Variants in CELSR1 observed in about 807,000 individuals in gnomAD.
The protein encoded by CELSR1 is adhesion G protein-coupled receptor C1.
CELSR1 carries 110 observed loss-of-function variants against 249.1 expected under a neutral mutation model. The observed-to-expected ratio is 0.44, with a 90% CI of 0.38 to 0.52. The LOEUF is 0.52. Among genes scored for constraint, CELSR1 ranks in the 20% least tolerant of loss-of-function variants. CELSR1 has a pLI of 0.00. For synonymous variants in CELSR1, 2,113 were observed against 1,900.0 expected (o/e 1.11, Z -2.92); for missense variants, 4,109 against 4,296.4 (o/e 0.96, Z 1.22).
rs985884671 is a variant in CELSR1 at position 46,472,770 on chromosome 22, G to A, written c.3545-8425C>T. ...GGAGGCTCAGGGGAGGGTCTGTTCC[G>A]GGCCCCTTTCCCTGGGGGCTGGGGG... On this transcript the variant is annotated intron_variant, in intron 1 of 34. Transcript: ENST00000674500. This position sits in a 1 kb window ranked among gnomAD's most constrained non-coding sequence, Gnocchi z 7.0. Among the ~76,000 whole-genome samples the A allele has an allele frequency of 2.0e-5, 3 of 152,114 alleles. No individual in the cohort carries two copies. Among genetic ancestry groups the A allele is most frequent in the Non-Finnish European group, 4.4e-5 (3 of 68,022 alleles).
chr22:46,529,265 CAA>C (rs879359202), intron 1 of CELSR1, among the ~76,000 whole-genome samples: 1 of 132,488 alleles, frequency 7.5e-6, no homozygotes, highest in African/African-American at 2.8e-5. Flanking sequence ...GACTCCATTT[CAA>C]AAAAAAAAAA....
intron 1 of CELSR1, among the ~76,000 whole-genome samples, chr22:46,532,839 G>C (rs1459885914): frequency 6.6e-6 from 1 of 152,068 alleles, no homozygotes; most frequent in East Asian, 1.9e-4. Flanking sequence ...CAGCACCGCA[G>C]ACCAGCCCCG....
chr22:46,422,545 C>T (rs148563825), intron 5 of CELSR1, among the ~76,000 whole-genome samples: 7,426 of 150,406 alleles, frequency 0.049, 184 homozygotes, highest in Middle Eastern at 0.088. Flanking sequence ...CCATCCTGGC[C>T]AACACGGTGA....
chr22:46,483,365 T>C (rs79389154), intron 1 of CELSR1, among the ~76,000 whole-genome samples: 1,488 of 148,096 alleles, frequency 0.01, 28 homozygotes, highest in African/African-American at 0.034. Context: ...ACCCTCTTTA[T>C]GGAAACATGC....
chr22:46,422,472 A>G (rs1306007696), intron 5 of CELSR1, among the ~76,000 whole-genome samples: 1 of 149,342 alleles, frequency 6.7e-6, no homozygotes, highest in African/African-American at 2.5e-5. Context: ...AGTGGCTCAC[A>G]CCTGTAATCG....
intron 14 of CELSR1, among the ~76,000 whole-genome samples, chr22:46,392,830 A>G (rs2079107727): frequency 6.6e-6 from 1 of 152,132 alleles, no homozygotes; most frequent in African/African-American, 2.4e-5. Context: ...AGTAGCTGTG[A>G]TTACAGGCAT....
chr22:46,450,805 G>T (rs1191756113), intron 2 of CELSR1, among the ~76,000 whole-genome samples: 1 of 152,166 alleles, frequency 6.6e-6, no homozygotes, highest in Non-Finnish European at 1.5e-5. Context: ...CAAGATCCTG[G>T]CTAGTGCCTC....
intron 23 of CELSR1, 42 bp from the exon 24 acceptor site, chr22:46,377,303 C>T (rs375551628): frequency 6.9e-6 from 11 of 1,591,956 alleles, no homozygotes; most frequent in South Asian, 5.5e-5. Flanking sequence ...AGGTAAGGGC[C>T]GAGGCTCAGA....
chr22:46,425,689 CG>C (rs1312066389), intron 5 of CELSR1, among the ~76,000 whole-genome samples: 3 of 130,008 alleles, frequency 2.3e-5, no homozygotes, highest in Non-Finnish European at 3.5e-5. Context: ...AGTTTTCCCC[CG>C]CTTTGAAAAG....
At chr22:46,414,409 C>T (rs1387553381) in intron 5 of CELSR1, among the ~76,000 whole-genome samples, 1 of 152,262 alleles carries the variant, frequency 6.6e-6, no homozygotes, top group African/African-American at 2.4e-5. Context: ...GTCCCTGCTG[C>T]TCGGAGGAGA....
rs774610243 is a variant in CELSR1, at chr22:46,439,456, C to T, written c.4184-45G>A. On this transcript the variant is annotated intron_variant, in intron 2 of 34. Transcript: ENST00000674500. ...TGCCAGAGAGGAGGTTACCGACCAG[C>T]CAGGGAAAAGCCAACGAGCCTGTCG... 72 of 1,535,000 alleles carry T rather than the reference C, an allele frequency of 4.7e-5. 2 individuals carry two copies. The South Asian group carries it at 8.0e-4, about 17-fold the overall frequency.
At chr22:46,459,317 G>A (rs1224719584) in intron 2 of CELSR1, among the ~76,000 whole-genome samples, 1 of 152,144 alleles carries the variant, frequency 6.6e-6, no homozygotes. Flanking sequence ...GGTTTCTTGT[G>A]GGGAAGGAAC....
Position 46,397,740 on chromosome 22 carries a change from TCG to T in CELSR1, c.5633_5634del (p.Ser1878Ter). 1 of 1,592,246 alleles carries T rather than the reference TCG, an allele frequency of 6.3e-7. No homozygotes were observed. The highest frequency in any genetic ancestry group is 8.6e-7 in the Non-Finnish European group (1 of 1,168,344). On this transcript the variant is annotated frameshift_variant, in exon 12 of 35. Transcript: ENST00000674500. LOFTEE classifies it high-confidence loss of function. ...DGCDVDDPCT[S>X]SPCPPNSRCH... The stretch of plus-strand genomic sequence containing the variant: ...CAGCGGCTATTGGGGGGACAGGGGC[TCG>T]AGGTACAGGGGTCGTCCACATCACA...
At chr22:46,485,132 G>C (rs1306288623) in intron 1 of CELSR1, among the ~76,000 whole-genome samples, 1 of 152,044 alleles carries the variant, frequency 6.6e-6, no homozygotes, top group Non-Finnish European at 1.5e-5. Context: ...CAGAGAAAGT[G>C]TGTGTGTTAG....
At chr22:46,371,050 C>T (rs561748886) in intron 25 of CELSR1, among the ~76,000 whole-genome samples, 121 of 152,340 alleles carry the variant, frequency 7.9e-4, no homozygotes, top group African/African-American at 2.7e-3. Context: ...TTCATCTCAG[C>T]GTCTCTCACA....
In CELSR1 at chr22:46,536,269, G is replaced by T; in HGVS notation, c.902C>A (p.Ala301Asp). ...GCTGTCCGTGCTCACGGCGCCCGTGGCAGAGTCGATTCGGAAGTAGCCCCG... is the reference window on the plus strand; with the variant it reads ...GCTGTCCGTGCTCACGGCGCCCGTGTCAGAGTCGATTCGGAAGTAGCCCCG... ...RSRGYFRIDS[A>D]TGAVSTDSVL... is the part of the protein sequence containing the mutation. Residue 301 changes from alanine (A) to aspartate (D), a missense_variant, in exon 1 of 35, where the codon GCC becomes GAC. Physicochemically the swap from Ala to Asp is moderately radical, Grantham distance 126. Around this residue, in one of 7 missense-constraint regions of CELSR1, gnomAD observed 673 missense variants for 636.8 expected, o/e 1.06. Transcript: ENST00000674500. The T allele has an allele frequency of 6.2e-7, 1 of 1,612,366 alleles. No individual in the cohort carries two copies. Among genetic ancestry groups the T allele is most frequent in the Non-Finnish European group, 8.5e-7 (1 of 1,179,818 alleles).
intron 1 of CELSR1, among the ~76,000 whole-genome samples, chr22:46,494,550 C>T (rs1323711575): frequency 6.6e-6 from 1 of 152,070 alleles, no homozygotes; most frequent in Admixed American, 6.6e-5. Flanking sequence ...ATTCTGTTGC[C>T]CAGGCTGGAA....
chr22:46,445,838 G>A lies in CELSR1; in HGVS notation c.4184-6427C>T, dbSNP rs1435381045. On this transcript the variant is annotated intron_variant, in intron 2 of 34. Coordinates refer to ENST00000674500, the MANE Select transcript of CELSR1 (RefSeq NM_001378328.1). This position sits in a 1 kb window ranked among gnomAD's most constrained non-coding sequence, Gnocchi z 4.4. Reference sequence around the variant, plus strand: ...GCTGTTCTCCCTGCTTGCAGGAGATGCTGCTCCTGGCCTTTGCCAGCTCAT... The same window carrying A: ...GCTGTTCTCCCTGCTTGCAGGAGATACTGCTCCTGGCCTTTGCCAGCTCAT... Among the ~76,000 whole-genome samples the A allele has an allele frequency of 6.6e-6, 1 of 152,196 alleles. No homozygotes were observed. The highest frequency in any genetic ancestry group is 1.9e-4 in the East Asian group (1 of 5,192).
chr22:46,450,394 C>A (rs1452151975), intron 2 of CELSR1, among the ~76,000 whole-genome samples: 6 of 152,278 alleles, frequency 3.9e-5, no homozygotes, highest in Admixed American at 3.3e-4. Context: ...CTCCCTGACC[C>A]TGGGTATCCC....
Sources: gnomAD v4.1 joint callset for allele counts (sites outside exome capture counted in the v4.1 genomes callset) on GRCh38, gnomAD v4.1.1 for gene constraint, gnomAD v4.1.1 regional missense constraint, Gnocchi (gnomAD v3.1) non-coding constraint, MANE v1.5 for transcripts, NCBI Gene and HGNC (gene_info 2026-07-23, HGNC 2026-07-21) for gene names.